The following RPS6KA2 variants were observed in gnomAD, a reference collection of about 807,000 sequenced individuals.
The protein encoded by RPS6KA2 is ribosomal protein S6 kinase A2.
Under a neutral mutation model 91.8 loss-of-function variants are expected in RPS6KA2, and 42 were observed. That is an observed-to-expected ratio of 0.46 (90% CI 0.36 to 0.59). RPS6KA2 has a LOEUF of 0.59. Among genes scored for constraint, RPS6KA2 ranks in the 20% least tolerant of loss-of-function variants. The pLI is 0.00. For synonymous variants in RPS6KA2, 414 were observed against 393.6 expected, an observed-to-expected ratio of 1.05 and a Z score of -0.61; for missense variants, 798 against 978.5, an observed-to-expected ratio of 0.82 and a Z score of 2.46.
At chr6:166,808,022 G>A (rs1562450347) in intron 2 of RPS6KA2, among the ~76,000 whole-genome samples, 2 of 150,598 alleles carry the variant, frequency 1.3e-5, no homozygotes, top group African/African-American at 2.4e-5. Context: ...CGGGATGCAT[G>A]AGGCAGCCCT....
intron 2 of RPS6KA2, among the ~76,000 whole-genome samples, chr6:166,756,854 A>G (rs1411393116): frequency 6.6e-6 from 1 of 152,224 alleles, no homozygotes; most frequent in Non-Finnish European, 1.5e-5. Context: ...CTCAAAAAAT[A>G]AAATAAAATA....
intron 1 of RPS6KA2, among the ~76,000 whole-genome samples, chr6:166,598,644 C>T (rs978258996): frequency 6.6e-6 from 1 of 152,156 alleles, no homozygotes; most frequent in Non-Finnish European, 1.5e-5. Flanking sequence ...CATTTTGGCT[C>T]TAAGCGCCTC....
At chr6:166,747,223 C>T (rs1031861554) in intron 2 of RPS6KA2, among the ~76,000 whole-genome samples, 13 of 152,160 alleles carry the variant, frequency 8.5e-5, no homozygotes, top group African/African-American at 3.1e-4. Flanking sequence ...GGGTGACCAG[C>T]CCCCATCCTG....
At chr6:166,807,351 T>C (rs1424438779) in intron 2 of RPS6KA2, among the ~76,000 whole-genome samples, 1 of 152,218 alleles carries the variant, frequency 6.6e-6, no homozygotes, top group Non-Finnish European at 1.5e-5. Flanking sequence ...CAGAAAATCC[T>C]GTTGACTCTG....
intron 3 of RPS6KA2, among the ~76,000 whole-genome samples, chr6:166,528,640 G>A (rs1265699000): frequency 1.3e-5 from 2 of 151,792 alleles, no homozygotes; most frequent in Middle Eastern, 3.4e-3. Flanking sequence ...GCAACCTACA[G>A]AATGGGAGAA....
chr6:166,539,474 TG>T (rs1783586337), intron 1 of RPS6KA2, among the ~76,000 whole-genome samples: 1 of 152,212 alleles, frequency 6.6e-6, no homozygotes, highest in African/African-American at 2.4e-5. Flanking sequence ...AGAAGTGGTC[TG>T]GAAAATGCAG....
At chr6:166,773,967 A>G (rs1191013853) in intron 2 of RPS6KA2, among the ~76,000 whole-genome samples, 3 of 152,226 alleles carry the variant, frequency 2.0e-5, no homozygotes, top group Admixed American at 2.0e-4. Flanking sequence ...TGTGTGTTTC[A>G]TTGATTTGAA....
chr6:166,773,107 C>T (rs1778520873), intron 2 of RPS6KA2, among the ~76,000 whole-genome samples: 1 of 152,210 alleles, frequency 6.6e-6, no homozygotes, highest in Admixed American at 6.5e-5. Flanking sequence ...ACAGGGGCAG[C>T]TTCCAGCTCC....
At position 166,825,214 on chromosome 6, in the gene RPS6KA2, G is replaced by A. The variant is rs1229842379; in HGVS notation, c.123+32986C>T. Among the ~76,000 whole-genome samples the A allele has an allele frequency of 2.0e-5, 3 of 152,280 alleles. No homozygotes were observed. The highest frequency in any genetic ancestry group is 7.2e-5 in the African/African-American group (3 of 41,476). On this transcript the variant is annotated intron_variant, in intron 2 of 21. Transcript: ENST00000503859. The surrounding 1 kb of genome is among the most constrained non-coding windows in gnomAD (Gnocchi z 4.1). ...TGAGTTGAGGGGTGCTGGATGCTGA[G>A]GGGAGGGGGCAAAGGGGAGTGATCC...
intron 16 of RPS6KA2, among the ~76,000 whole-genome samples, chr6:166,429,499 G>C (rs185060154): frequency 1.9e-4 from 29 of 152,266 alleles, no homozygotes; most frequent in Admixed American, 1.6e-3. Flanking sequence ...CGCCCACGCT[G>C]AAGTGCAGTG....
At position 166,849,168 on chromosome 6, in the gene RPS6KA2, G is replaced by C. The variant is rs999292893; in HGVS notation, c.123+9032C>G. Reference sequence around the variant, plus strand: ...CGGCCATGCCAGGGTCTGTCTGTCTGTCTGTCTGGGACAATCCACCCCTGG... The same window carrying C: ...CGGCCATGCCAGGGTCTGTCTGTCTCTCTGTCTGGGACAATCCACCCCTGG... On this transcript the variant is annotated intron_variant, in intron 2 of 21. Transcript: ENST00000503859. This position sits in a 1 kb window ranked among gnomAD's most constrained non-coding sequence, Gnocchi z 4.9. 7.2e-5 allele frequency among the ~76,000 whole-genome samples: 11 copies of C among 152,082 alleles called. No homozygotes were observed. Among genetic ancestry groups the C allele is most frequent in the African/African-American group, 2.7e-4 (11 of 41,422 alleles).
intron 2 of RPS6KA2, among the ~76,000 whole-genome samples, chr6:166,802,032 C>T (rs969239675): frequency 2.0e-5 from 3 of 151,554 alleles, no homozygotes; most frequent in African/African-American, 4.8e-5. Flanking sequence ...CTGAGGCAGG[C>T]GGATCATGAG....
At chr6:166,786,539 G>T (rs972385122) in intron 2 of RPS6KA2, among the ~76,000 whole-genome samples, 2 of 152,094 alleles carry the variant, frequency 1.3e-5, no homozygotes, top group Non-Finnish European at 2.9e-5. Context: ...AGACGGTTGG[G>T]AGTAGTATGG....
At chr6:166,804,247 C>T (rs1257734863) in intron 2 of RPS6KA2, among the ~76,000 whole-genome samples, 1 of 151,936 alleles carries the variant, frequency 6.6e-6, no homozygotes, top group African/African-American at 2.4e-5. Context: ...AGCCCACAGG[C>T]CCATAAAAAT....
At chr6:166,675,746 T>G (rs1283874871) in intron 2 of RPS6KA2, among the ~76,000 whole-genome samples, 2 of 152,260 alleles carry the variant, frequency 1.3e-5, no homozygotes, top group Admixed American at 6.5e-5. Flanking sequence ...TATTTGTTTT[T>G]GTGTTTTAGC....
Position 166,533,688 on chromosome 6 carries a change from C to T in RPS6KA2, c.217-2375G>A, listed in dbSNP as rs961512648. Among the ~76,000 whole-genome samples, 2 of 152,256 alleles carry T rather than the reference C, an allele frequency of 1.3e-5. No individual in the cohort carries two copies. Among genetic ancestry groups the T allele is most frequent in the African/African-American group, 4.8e-5 (2 of 41,470 alleles). On this transcript the variant is annotated intron_variant, in intron 2 of 20. Coordinates refer to ENST00000265678, the MANE Select transcript of RPS6KA2 (RefSeq NM_021135.6). The surrounding 1 kb of genome is among the most constrained non-coding windows in gnomAD (Gnocchi z 4.0). ...GGAGGATGGAAGCCTTGGGTGGTTG[C>T]TCCAGCCCATGGTGGACTTTGGTAG... is the stretch of plus-strand genomic sequence containing the variant.
exon 1 of RPS6KA2, chr6:166,862,258 A>ACGGGATGT: frequency 1.2e-6 from 2 of 1,601,716 alleles, no homozygotes; most frequent in South Asian, 2.2e-5. Flanking sequence ...GGACGGCCAG[A>ACGGGATGT]CGGGATGTCG....
At chr6:166,416,886 C>T (rs1046190434) in intron 19 of RPS6KA2, among the ~76,000 whole-genome samples, 10 of 152,170 alleles carry the variant, frequency 6.6e-5, no homozygotes, top group Admixed American at 1.3e-4. Context: ...TCATCATTCC[C>T]GCCATTACCT....
intron 10 of RPS6KA2, chr6:166,475,605 C>A: frequency 3.2e-6 from 1 of 308,416 alleles, no homozygotes. Context: ...AACCAGTGGC[C>A]TCTGGAGGTC....
Sources: gnomAD v4.1 joint callset for allele counts (sites outside exome capture counted in the v4.1 genomes callset) on GRCh38, gnomAD v4.1.1 for gene constraint, Gnocchi (gnomAD v3.1) non-coding constraint, MANE v1.5 for transcripts, NCBI Gene and HGNC (gene_info 2026-07-23, HGNC 2026-07-21) for gene names.